ATP1B1: variants seen among roughly 807,000 people sequenced by gnomAD.
The protein encoded by ATP1B1 is sodium/potassium-transporting ATPase subunit beta-1.
ATP1B1 carries 3 observed loss-of-function variants against 39.6 expected under a neutral mutation model. That is an observed-to-expected ratio of 0.08 (90% confidence interval 0.03 to 0.20). ATP1B1 has a LOEUF of 0.20. Ranked by LOEUF, ATP1B1 falls within the 10% of genes least tolerant of loss-of-function variation. The pLI, the probability that ATP1B1 is intolerant of heterozygous loss-of-function variation, is 1.00. For synonymous variants in ATP1B1, 139 were observed against 135.0 expected (o/e 1.03, Z -0.20); for missense variants, 216 against 371.1 (o/e 0.58, Z 3.43).
chr1:169,127,171 GA>G (rs764086549), intron 3 of ATP1B1, 52 bp from the exon 4 acceptor site: 36 of 1,504,834 alleles, frequency 2.4e-5, no homozygotes, highest in Non-Finnish European at 3.0e-5. Flanking sequence ...CTTTTTCTTA[GA>G]ACTGCTAAGG....
rs1471596916 is a variant in ATP1B1 at position 169,132,403 on chromosome 1, T to G, written c.*848T>G. 2.2e-6 allele frequency: 1 copy of G among 449,950 alleles called. No individual in the cohort carries two copies. The highest frequency in any genetic ancestry group is 2.0e-5 in the African/African-American group (1 of 48,864). The allele number at this position is 449,950 out of a possible 1,614,324, so 27.9% of individuals were successfully genotyped here. On this transcript the variant is annotated 3_prime_UTR_variant, in exon 6 of 6. Coordinates refer to ENST00000367815, the MANE Select transcript of ATP1B1 (RefSeq NM_001677.4). ...TTTTTTCCTTTCTGGAGGCATCACA[T>G]GCTGGTGCTGTGTCTTTATGAATGT...
chr1:169,124,486 G>T (rs1409722686), intron 2 of ATP1B1, among the ~76,000 whole-genome samples: 1 of 152,196 alleles, frequency 6.6e-6, no homozygotes, highest in East Asian at 1.9e-4. Context: ...AGCTAGCAGG[G>T]TATTTTAAAA....
At chr1:169,124,852 C>A in intron 2 of ATP1B1, 32 bp from the exon 3 acceptor site, 1 of 1,601,358 alleles carries the variant, frequency 6.2e-7, no homozygotes, top group Non-Finnish European at 8.5e-7. Flanking sequence ...TTTCTGCCTT[C>A]CTACTAATGT....
intron 2 of ATP1B1, among the ~76,000 whole-genome samples, chr1:169,121,174 T>G (rs1334714269): frequency 3.3e-5 from 5 of 152,196 alleles, no homozygotes. Context: ...CTCGAACTCC[T>G]GGCCTCAAGT....
At chr1:169,115,761 A>T (rs1008239167) in intron 2 of ATP1B1, among the ~76,000 whole-genome samples, 1 of 152,262 alleles carries the variant, frequency 6.6e-6, no homozygotes, top group African/African-American at 2.4e-5. Context: ...CATGGAGTCA[A>T]TAAAACCTTA....
intron 2 of ATP1B1, among the ~76,000 whole-genome samples, chr1:169,112,353 C>T (rs1416849444): frequency 1.3e-5 from 2 of 152,234 alleles, no homozygotes; most frequent in Admixed American, 6.5e-5. Context: ...TAGCCACAAA[C>T]GTGAATTTAC....
chr1:169,114,489 T>C (rs531370536), intron 2 of ATP1B1, among the ~76,000 whole-genome samples: 2 of 152,316 alleles, frequency 1.3e-5, no homozygotes, highest in African/African-American at 4.8e-5. Flanking sequence ...CGGAATACCT[T>C]GTAGTTGGAT....
At chr1:169,129,890 G>A in intron 4 of ATP1B1, 120 bp from the exon 5 acceptor site, 3 of 832,866 alleles carry the variant, frequency 3.6e-6, no homozygotes, top group Non-Finnish European at 3.7e-6. Flanking sequence ...GATGTCTTTT[G>A]TTATTTTGGT....
intron 2 of ATP1B1, among the ~76,000 whole-genome samples, chr1:169,119,714 T>G (rs143860804): frequency 1.3e-5 from 2 of 152,318 alleles, no homozygotes; most frequent in East Asian, 3.9e-4. Context: ...GGTTATGTTC[T>G]AGTAACCCAT....
chr1:169,127,185 A>G, intron 3 of ATP1B1, 39 bp from the exon 4 acceptor site: 1 of 1,537,952 alleles, frequency 6.5e-7, no homozygotes, highest in Non-Finnish European at 8.7e-7. Context: ...TGCTAAGGGA[A>G]TTGCTGGTAC....
chr1:169,110,736 T>C (rs1657711768), intron 1 of ATP1B1: 1 of 1,229,458 alleles, frequency 8.1e-7, no homozygotes, highest in Non-Finnish European at 1.1e-6. Flanking sequence ...AATTTTCTTT[T>C]TTTCCCCTTG....
At chr1:169,126,782 A>C (rs943970944) in intron 3 of ATP1B1, among the ~76,000 whole-genome samples, 6 of 152,158 alleles carry the variant, frequency 3.9e-5, no homozygotes, top group Non-Finnish European at 8.8e-5. Context: ...CAAAAAAAAA[A>C]CCTAGTTCTG....
intron 3 of ATP1B1, 122 bp downstream of exon 3, chr1:169,125,161 G>T: frequency 7.7e-7 from 1 of 1,291,776 alleles, no homozygotes; most frequent in Admixed American, 2.5e-5. Context: ...ATTGAACTCT[G>T]GCCATATTTA....
At chr1:169,113,190 C>T (rs1657764541) in intron 2 of ATP1B1, among the ~76,000 whole-genome samples, 1 of 152,014 alleles carries the variant, frequency 6.6e-6, no homozygotes, top group Non-Finnish European at 1.5e-5. Flanking sequence ...CTCAGCCTCC[C>T]AAATAGCTGG....
At chr1:169,122,149 G>GTC (rs765591681) in intron 2 of ATP1B1, among the ~76,000 whole-genome samples, 1 of 152,106 alleles carries the variant, frequency 6.6e-6, no homozygotes, top group Non-Finnish European at 1.5e-5. Context: ...ACAGGCATTT[G>GTC]TCTCTCTCTC....
At position 169,118,010 on chromosome 1, in the gene ATP1B1, A is replaced by G. The variant is rs574113866; in HGVS notation, c.226+6512A>G. Among the ~76,000 whole-genome samples the G allele has an allele frequency of 2.6e-5, 4 of 152,366 alleles. No individual in the cohort carries two copies. In the South Asian group the frequency reaches 8.3e-4, roughly 32 times the overall value. ...TTGAGCATAATTAATGTAAAATACT[A>G]GGATTTATCTATTTGTTTATGTTAT... On this transcript the variant is annotated intron_variant, in intron 2 of 5. Coordinates refer to ENST00000367815, the MANE Select transcript of ATP1B1 (RefSeq NM_001677.4).
intron 2 of ATP1B1, among the ~76,000 whole-genome samples, chr1:169,114,708 T>G (rs1001640562): frequency 1.8e-4 from 27 of 152,178 alleles, no homozygotes; most frequent in African/African-American, 6.0e-4. Flanking sequence ...GGTGGCCGTT[T>G]AATGCACATG....
At chr1:169,125,330 T>C (rs1658064380) in intron 3 of ATP1B1, among the ~76,000 whole-genome samples, 1 of 115,298 alleles carries the variant, frequency 8.7e-6, no homozygotes, top group Non-Finnish European at 1.7e-5. Context: ...TTCTTTCTCT[T>C]ACATCCGTTG....
rs372894803 is a variant in ATP1B1 at position 169,131,580 on chromosome 1, A to G, written c.*25A>G. On this transcript the variant is annotated 3_prime_UTR_variant, in exon 6 of 6. Transcript: ENST00000367815. This position sits in a 1 kb window ranked among gnomAD's most constrained non-coding sequence, Gnocchi z 4.4. ...ATCACAAGCACAAATCTTTCCCACT[A>G]GCCATTTAATAAGTTAAAAAAAGAT... 6.3e-7 allele frequency: 1 copy of G among 1,589,428 alleles called. No homozygotes were observed. The highest frequency in any genetic ancestry group is 1.2e-5 in the South Asian group (1 of 86,716).
Sources: allele counts gnomAD v4.1 joint callset (sites outside exome capture counted in the v4.1 genomes callset), GRCh38; gene constraint gnomAD v4.1.1; non-coding constraint Gnocchi (gnomAD v3.1); transcripts MANE v1.5; gene names NCBI Gene and HGNC (gene_info 2026-07-23, HGNC 2026-07-21).